Variants in HECW1 observed in about 807,000 individuals in gnomAD.
The protein encoded by HECW1 is E3 ubiquitin-protein ligase HECW1.
In HECW1, 61 loss-of-function variants were observed where a neutral mutation model predicts 182.3. The observed-to-expected ratio is 0.33, with a 90% CI of 0.27 to 0.41. The LOEUF is 0.41. Ranked by LOEUF, HECW1 falls within the 10% of genes least tolerant of loss-of-function variation. The probability of loss-of-function intolerance (pLI) is 1.00; values close to 1 mark genes in which losing one functional copy is unlikely to be tolerated. For missense variants in HECW1, 1,739 were observed against 2,108.9 expected (o/e 0.82, Z 3.44); for synonymous variants, 859 against 832.6 (o/e 1.03, Z -0.55).
At position 43,492,157 on chromosome 7, in the gene HECW1, A is replaced by G; in HGVS notation, c.3317A>G (p.His1106Arg). Residue 1106 changes from histidine (H) to arginine (R), a missense_variant, in exon 18 of 30, where the codon CAT (histidine) becomes CGT (arginine). Physicochemically the swap from His to Arg is conservative, Grantham distance 29. This residue lies in a region of HECW1 where 971 missense variants were observed against 1,029.1 expected (regional missense o/e 0.94). Transcript: ENST00000395891. The stretch of plus-strand genomic sequence containing the variant: ...TTAGTAGCTGCTATTCGAAGCCAAC[A>G]TCAACATGAGTCATTGCCACTGGGT... ...HSLVAAIRSQ[H>R]QHESLPLAYN... 1 of 1,601,656 alleles carries G rather than the reference A, an allele frequency of 6.2e-7. No individual in the cohort carries two copies. The highest frequency in any genetic ancestry group is 8.5e-7 in the Non-Finnish European group (1 of 1,176,556).
chr7:43,300,735 T>C, intron 3 of HECW1, among the ~76,000 whole-genome samples: 1 of 152,252 alleles, frequency 6.6e-6, no homozygotes, highest in South Asian at 2.1e-4. Context: ...TGTGTACTGA[T>C]GATGGGCATT....
intron 12 of HECW1, among the ~76,000 whole-genome samples, chr7:43,451,231 T>C (rs1230217076): frequency 6.6e-6 from 1 of 152,232 alleles, no homozygotes; most frequent in East Asian, 1.9e-4. Context: ...AAACTGTTCA[T>C]GACCTTTAAG....
intron 24 of HECW1, among the ~76,000 whole-genome samples, chr7:43,515,749 A>G (rs1436454366): frequency 6.6e-6 from 1 of 152,196 alleles, no homozygotes; most frequent in Non-Finnish European, 1.5e-5. Flanking sequence ...ATGCTGTGAG[A>G]TATGTTATTT....
At position 43,256,332 on chromosome 7, in the gene HECW1, G is replaced by T. The variant is rs111292127; in HGVS notation, c.27+12400G>T. On this transcript the variant is annotated intron_variant, in intron 3 of 29. Transcript: ENST00000395891. ...AACATAGTAAAGATGAACATCGGCTGGGTACGGTGGTTCACACCTGTAATC... is the reference window on the plus strand; with the variant it reads ...AACATAGTAAAGATGAACATCGGCTTGGTACGGTGGTTCACACCTGTAATC... Among the ~76,000 whole-genome samples, 288 of 152,262 alleles carry T rather than the reference G, an allele frequency of 1.9e-3. 5 individuals carry two copies. Among genetic ancestry groups the T allele is most frequent in the African/African-American group, 6.7e-3 (279 of 41,548 alleles).
At chr7:43,268,265 A>G (rs777311493) in intron 3 of HECW1, among the ~76,000 whole-genome samples, 5 of 152,228 alleles carry the variant, frequency 3.3e-5, no homozygotes, top group Admixed American at 6.5e-5. Context: ...AAATCCTAGA[A>G]GGAGACTCGC....
chr7:43,142,367 C>A (rs1257576063), intron 2 of HECW1, among the ~76,000 whole-genome samples: 1 of 152,106 alleles, frequency 6.6e-6, no homozygotes, highest in African/African-American at 2.4e-5. Flanking sequence ...GCTTTGTCAC[C>A]CAAACAGAAA....
intron 7 of HECW1, among the ~76,000 whole-genome samples, chr7:43,400,080 A>G (rs1320040574): frequency 2.6e-5 from 4 of 152,072 alleles, no homozygotes; most frequent in African/African-American, 9.7e-5. Flanking sequence ...ACAAAAAGTA[A>G]AAAAAGTTAG....
chr7:43,239,062 T>C (rs1315145485), intron 2 of HECW1: 1 of 152,226 alleles, frequency 6.6e-6, no homozygotes, highest in African/African-American at 2.4e-5. Context: ...CAACTCATGC[T>C]GATGGAATCA....
chr7:43,465,465 G>A (rs1220094550), intron 14 of HECW1, among the ~76,000 whole-genome samples: 1 of 152,226 alleles, frequency 6.6e-6, no homozygotes, highest in African/African-American at 2.4e-5. Context: ...CTTGCAGCAG[G>A]CTTGCCCAAG....
rs202003443 is a variant in HECW1, at chr7:43,480,696, T to TACACAC, written c.3234+962_3234+967dup. On this transcript the variant is annotated intron_variant, in intron 17 of 29. Coordinates refer to ENST00000395891, the MANE Select transcript of HECW1 (RefSeq NM_015052.5). ...ACACATATATACGCATATATATATATACACACACACACACATATATACGCA... is the reference window on the plus strand; with the variant it reads ...ACACATATATACGCATATATATATATACACACACACACACACACACATATATACGCA... 3.7e-5 allele frequency among the ~76,000 whole-genome samples: 5 copies of TACACAC among 135,280 alleles called. No individual in the cohort carries two copies. In the East Asian group the frequency reaches 5.9e-4, roughly 16 times the overall value. 88.7% of individuals were successfully genotyped at this position (135,280 alleles called of 152,430 possible).
At chr7:43,560,068 A>G (rs535723888) in intron 29 of HECW1, among the ~76,000 whole-genome samples, 55 of 152,196 alleles carry the variant, frequency 3.6e-4, no homozygotes, top group Non-Finnish European at 3.2e-4. Flanking sequence ...GAAGAAAACT[A>G]TGAAGATGAT....
In HECW1 at chr7:43,565,426, T is replaced by G. The variant is rs921091791; in HGVS notation, c.*3500T>G. 2 of 200,150 alleles carry G rather than the reference T, an allele frequency of 1.0e-5. No individual in the cohort carries two copies. Among genetic ancestry groups the G allele is most frequent in the Non-Finnish European group, 1.0e-5 (1 of 97,008 alleles). The allele number at this position is 200,150 out of a possible 1,614,324, so 12.4% of individuals were successfully genotyped here. ...TTTTAATATTACATCCATCATATTT[T>G]CAGTCCATGTGTCAAACCATGTGTC... On this transcript the variant is annotated 3_prime_UTR_variant, in exon 30 of 30. Coordinates refer to ENST00000395891, the MANE Select transcript of HECW1 (RefSeq NM_015052.5).
At chr7:43,345,580 C>A (rs142551917) in intron 5 of HECW1, among the ~76,000 whole-genome samples, 47 of 152,126 alleles carry the variant, frequency 3.1e-4, no homozygotes, top group Non-Finnish European at 5.1e-4. Flanking sequence ...CCCTCGATCC[C>A]CTCTCACTCT....
At chr7:43,370,710 A>G (rs2152819359) in intron 6 of HECW1, among the ~76,000 whole-genome samples, 1 of 152,290 alleles carries the variant, frequency 6.6e-6, no homozygotes, top group East Asian at 1.9e-4. Context: ...AGACATGAGG[A>G]AATCTTAGAT....
chr7:43,243,017 G>A lies in HECW1; in HGVS notation c.-31-858G>A, dbSNP rs191460348. Reference sequence around the variant, plus strand: ...CAAGCTTGCTACTTGTTTCTTACACGACTTCATTTGTCAGCAAAGCTTCAG... The same window carrying A: ...CAAGCTTGCTACTTGTTTCTTACACAACTTCATTTGTCAGCAAAGCTTCAG... On this transcript the variant is annotated intron_variant, in intron 2 of 29. Coordinates refer to ENST00000395891, the MANE Select transcript of HECW1 (RefSeq NM_015052.5). The surrounding 1 kb of genome is among the most constrained non-coding windows in gnomAD (Gnocchi z 4.0). Among the ~76,000 whole-genome samples the A allele has an allele frequency of 1.5e-3, 222 of 152,264 alleles. No individual in the cohort carries two copies. Among genetic ancestry groups the A allele is most frequent in the Non-Finnish European group, 2.2e-3 (149 of 68,036 alleles).
At chr7:43,385,048 A>G (rs2152830087) in intron 6 of HECW1, among the ~76,000 whole-genome samples, 1 of 152,244 alleles carries the variant, frequency 6.6e-6, no homozygotes, top group East Asian at 1.9e-4. Context: ...TGGAAGGACA[A>G]TAATTACAAG....
chr7:43,218,492 G>A (rs975222852), intron 2 of HECW1, among the ~76,000 whole-genome samples: 3 of 152,190 alleles, frequency 2.0e-5, no homozygotes, highest in African/African-American at 7.2e-5. Context: ...GGTGGAGAAG[G>A]GAAGGAAGCA....
At chr7:43,221,355 C>T (rs1796926982) in intron 2 of HECW1, among the ~76,000 whole-genome samples, 1 of 151,738 alleles carries the variant, frequency 6.6e-6, no homozygotes, top group Admixed American at 6.6e-5. Flanking sequence ...CTCTTTAGGC[C>T]AAGGATGAAA....
chr7:43,258,780 A>T (rs990454003), intron 3 of HECW1: 51 of 152,250 alleles, frequency 3.3e-4, no homozygotes, highest in African/African-American at 1.1e-3. Flanking sequence ...GCAAAAAGAG[A>T]CATATTTTTA....
Sources: allele counts gnomAD v4.1 joint callset (sites outside exome capture counted in the v4.1 genomes callset), GRCh38; gene constraint gnomAD v4.1.1; regional missense constraint gnomAD v4.1.1; non-coding constraint Gnocchi (gnomAD v3.1); transcripts MANE v1.5; gene names NCBI Gene and HGNC (gene_info 2026-07-23, HGNC 2026-07-21).